The following ADRA1A variants were observed in gnomAD, a reference collection of about 807,000 sequenced individuals.
ADRA1A encodes the protein adrenoceptor alpha 1A.
Under a neutral mutation model 29.6 loss-of-function variants are expected in ADRA1A, and 31 were observed. The observed-to-expected ratio is 1.05, with a 90% confidence interval of 0.79 to 1.41. The LOEUF (loss-of-function observed/expected upper bound fraction) is 1.41, where lower values mean the gene tolerates loss of function less well. ADRA1A is among the 40% of genes most tolerant of loss of function. The probability of loss-of-function intolerance (pLI) is 0.00; values close to 1 mark genes in which losing one functional copy is unlikely to be tolerated. For synonymous variants in ADRA1A, 311 were observed against 254.3 expected (o/e 1.22, Z -2.12); for missense variants, 619 against 601.1 (o/e 1.03, Z -0.31).
chr8:26,863,772 T>A (rs576873936), intron 2 of ADRA1A, among the ~76,000 whole-genome samples: 34 of 152,340 alleles, frequency 2.2e-4, no homozygotes, highest in Middle Eastern at 6.8e-3. Context: ...AGAGAGCAGA[T>A]GCATTTAAAT....
chr8:26,837,850 T>C lies in ADRA1A; in HGVS notation c.883+26237A>G, dbSNP rs954915250. Among the ~76,000 whole-genome samples, 4 of 152,228 alleles carry C rather than the reference T, an allele frequency of 2.6e-5. No homozygotes were observed. The East Asian group carries it at 7.7e-4, about 29-fold the overall frequency. On this transcript the variant is annotated intron_variant, in intron 2 of 2. Coordinates refer to ENST00000380573, the MANE Select transcript of ADRA1A (RefSeq NM_000680.4). ...ATGAGTAGAAGCTCAGTACCTCCCATGTATGCTCAGAATGTTCCCACTTTT... is the reference window on the plus strand; with the variant it reads ...ATGAGTAGAAGCTCAGTACCTCCCACGTATGCTCAGAATGTTCCCACTTTT...
intron 2 of ADRA1A, among the ~76,000 whole-genome samples, chr8:26,785,384 A>G (rs1314966474): frequency 6.6e-6 from 1 of 152,190 alleles, no homozygotes; most frequent in African/African-American, 2.4e-5. Flanking sequence ...TAAGGCAACA[A>G]GAGCTGAGCT....
exon 3 of ADRA1A, chr8:26,756,659 G>A: frequency 6.2e-7 from 1 of 1,607,226 alleles, no homozygotes; most frequent in South Asian, 1.1e-5. Flanking sequence ...CTGGGCTCCT[G>A]GGGTGGATTC....
At chr8:26,842,857 C>A (rs1368540885) in intron 2 of ADRA1A, among the ~76,000 whole-genome samples, 1 of 133,270 alleles carries the variant, frequency 7.5e-6, no homozygotes, top group Non-Finnish European at 1.6e-5. Flanking sequence ...CTCTCCCTCT[C>A]TCTCTTTCTA....
intron 2 of ADRA1A, among the ~76,000 whole-genome samples, chr8:26,862,973 A>G (rs580644): frequency 0.83 from 126,609 of 152,190 alleles, 53,422 homozygotes; most frequent in East Asian, 0.91. Context: ...CGAGGGGACT[A>G]ATGAAATAAA....
At chr8:26,791,570 G>C (rs1335469062) in intron 2 of ADRA1A, among the ~76,000 whole-genome samples, 1 of 151,828 alleles carries the variant, frequency 6.6e-6, no homozygotes, top group East Asian at 1.9e-4. Flanking sequence ...CACGAAGCCT[G>C]TTTTATATAG....
chr8:26,799,847 G>T (rs895714280), intron 2 of ADRA1A, among the ~76,000 whole-genome samples: 2 of 152,052 alleles, frequency 1.3e-5, no homozygotes, highest in Non-Finnish European at 2.9e-5. Context: ...GATTTAAGAA[G>T]AAAGAACATT....
At chr8:26,835,190 T>C (rs111839135) in intron 2 of ADRA1A, among the ~76,000 whole-genome samples, 5,423 of 152,300 alleles carry the variant, frequency 0.036, 146 homozygotes, top group African/African-American at 0.076. Flanking sequence ...GGCTACTACT[T>C]TAGCTAGCAA....
chr8:26,831,581 T>C lies in ADRA1A; in HGVS notation c.883+32506A>G, dbSNP rs1336003728. On this transcript the variant is annotated intron_variant, in intron 2 of 2. Transcript: ENST00000380573. The surrounding 1 kb of genome is among the most constrained non-coding windows in gnomAD (Gnocchi z 5.2). ...TGTCCTAGACACTGGAGGAGGTACA[T>C]CTGTGTCCAAATATCCTAAATAGAT... Among the ~76,000 whole-genome samples, 3 of 152,238 alleles carry C rather than the reference T, an allele frequency of 2.0e-5. No individual in the cohort carries two copies. Among genetic ancestry groups the C allele is most frequent in the Non-Finnish European group, 2.9e-5 (2 of 68,044 alleles).
intron 2 of ADRA1A, among the ~76,000 whole-genome samples, chr8:26,810,890 G>A (rs12675747): frequency 0.089 from 13,471 of 151,868 alleles, 903 homozygotes; most frequent in East Asian, 0.33. Context: ...TCAATTAGTT[G>A]AAAAATCAAT....
intron 2 of ADRA1A, among the ~76,000 whole-genome samples, chr8:26,749,109 T>C (rs1011692414): frequency 1.2e-4 from 19 of 152,360 alleles, no homozygotes; most frequent in African/African-American, 4.6e-4. Context: ...GACAACACTA[T>C]TGAAACACAC....
chr8:26,751,996 C>T (rs1030746277), downstream of ADRA1A, among the ~76,000 whole-genome samples: 69 of 152,176 alleles, frequency 4.5e-4, no homozygotes, highest in African/African-American at 1.5e-3. Context: ...AACATCATGT[C>T]GCTACCTTGA....
chr8:26,858,825 GA>G (rs1563314444), intron 2 of ADRA1A, among the ~76,000 whole-genome samples: 3 of 152,168 alleles, frequency 2.0e-5, no homozygotes, highest in Non-Finnish European at 4.4e-5. Flanking sequence ...AAGGCATTCT[GA>G]ATTTCAACCA....
At chr8:26,766,113 T>C (rs761739096), downstream of ADRA1A, 18 of 1,613,378 alleles carry the variant, frequency 1.1e-5, no homozygotes, top group South Asian at 1.5e-4. Context: ...ATATGCTCTC[T>C]GCAATTCTTG....
chr8:26,795,454 G>A (rs527820630), intron 2 of ADRA1A, among the ~76,000 whole-genome samples: 9 of 151,650 alleles, frequency 5.9e-5, no homozygotes, highest in East Asian at 3.9e-4. Flanking sequence ...AGAACCAGGC[G>A]TTTATCCCAC....
chr8:26,809,376 C>A (rs975456665), intron 2 of ADRA1A, among the ~76,000 whole-genome samples: 3 of 152,084 alleles, frequency 2.0e-5, no homozygotes, highest in African/African-American at 7.2e-5. Context: ...CTGAAACCAC[C>A]GAGGCCCAAA....
chr8:26,824,383 G>A (rs754348187), intron 2 of ADRA1A, among the ~76,000 whole-genome samples: 8 of 152,084 alleles, frequency 5.3e-5, no homozygotes, highest in Non-Finnish European at 1.0e-4. Context: ...CCGCCGGGAA[G>A]CCACGGTCAA....
rs550837757 is a variant in ADRA1A, at chr8:26,779,088, A to T, written c.884-8422T>A. 6.0e-3 allele frequency: 2,902 copies of T among 481,958 alleles called. 13 individuals are homozygous for T. The highest frequency in any genetic ancestry group is 0.019 in the South Asian group (475 of 24,792). The allele number at this position is 481,958 out of a possible 1,614,324, so 29.9% of individuals were successfully genotyped here. A position where few individuals can be genotyped will look rare whatever the true frequency, so the allele number is the denominator to read the frequency against. On this transcript the variant is annotated intron_variant, in intron 2 of 2. Transcript: ENST00000380573. The stretch of plus-strand genomic sequence containing the variant: ...TTTCACGGTACATATCACAGTTTTT[A>T]AGTTTTCTTATTTACTTGTTTTCTT...
At chr8:26,767,475 TCATG>T (rs1324449738), downstream of ADRA1A, among the ~76,000 whole-genome samples, 1 of 152,190 alleles carries the variant, frequency 6.6e-6, no homozygotes, top group Non-Finnish European at 1.5e-5. Flanking sequence ...ATTTGGTGTA[TCATG>T]CTATGGGAAA....
Sources: gnomAD v4.1 joint callset for allele counts (sites outside exome capture counted in the v4.1 genomes callset) on GRCh38, gnomAD v4.1.1 for gene constraint, Gnocchi (gnomAD v3.1) non-coding constraint, MANE v1.5 for transcripts, NCBI Gene and HGNC (gene_info 2026-07-23, HGNC 2026-07-21) for gene names.